BBX: variants seen among roughly 807,000 people sequenced by gnomAD.
The protein encoded by BBX is BBX high mobility group box domain containing.
A neutral mutation model predicts 100.2 loss-of-function variants in BBX; 30 were observed. The ratio of observed to expected loss-of-function variants is 0.30; its 90% confidence interval spans 0.22 to 0.41. BBX has a LOEUF of 0.41. Among genes scored for constraint, BBX ranks in the 10% least tolerant of loss-of-function variants. The pLI is 1.00. For synonymous variants in BBX, 376 were observed against 388.1 expected (o/e 0.97, Z 0.37); for missense variants, 1,023 against 1,129.8 (o/e 0.91, Z 1.35).
At chr3:107,556,731 G>A (rs991056987) in intron 2 of BBX, among the ~76,000 whole-genome samples, 2 of 152,154 alleles carry the variant, frequency 1.3e-5, no homozygotes, top group African/African-American at 4.8e-5. Context: ...AAACTTTCAG[G>A]AACCGAGCAT....
chr3:107,601,899 C>T (rs903214574), intron 2 of BBX, among the ~76,000 whole-genome samples: 1 of 152,214 alleles, frequency 6.6e-6, no homozygotes, highest in Non-Finnish European at 1.5e-5. Context: ...CTTCAAAGAG[C>T]TTCAAAGGAC....
intron 3 of BBX, among the ~76,000 whole-genome samples, chr3:107,666,613 T>C (rs575139003): frequency 6.6e-6 from 1 of 152,240 alleles, no homozygotes; most frequent in African/African-American, 2.4e-5. Flanking sequence ...ATTGGCAGAC[T>C]GGAGTGCAGT....
At chr3:107,583,685 T>C (rs1345609799) in intron 2 of BBX, among the ~76,000 whole-genome samples, 2 of 150,864 alleles carry the variant, frequency 1.3e-5, no homozygotes, top group Non-Finnish European at 3.0e-5. Flanking sequence ...CCTCTACCTA[T>C]TTTTGTACTC....
intron 4 of BBX, among the ~76,000 whole-genome samples, chr3:107,712,262 T>C (rs1375739416): frequency 6.6e-6 from 1 of 152,200 alleles, no homozygotes; most frequent in Non-Finnish European, 1.5e-5. Flanking sequence ...CAAATGATTG[T>C]GTTCTCTAGG....
At chr3:107,789,903 A>G in intron 14 of BBX, 27 bp downstream of exon 14, 1 of 1,504,686 alleles carries the variant, frequency 6.6e-7, no homozygotes, top group Non-Finnish European at 9.0e-7. Flanking sequence ...TCCTCCATGA[A>G]GGGTTCTTGG....
intron 10 of BBX, among the ~76,000 whole-genome samples, chr3:107,756,764 A>C (rs1283833355): frequency 6.6e-6 from 1 of 152,172 alleles, no homozygotes; most frequent in Non-Finnish European, 1.5e-5. Flanking sequence ...GTTGAGACCA[A>C]AATAGAGGGC....
intron 10 of BBX, among the ~76,000 whole-genome samples, chr3:107,768,236 C>T (rs536310465): frequency 8.9e-4 from 135 of 152,236 alleles, no homozygotes; most frequent in African/African-American, 2.9e-3. Flanking sequence ...GTACAAAAGC[C>T]GACCTCATTT....
chr3:107,793,418 G>A (rs1053920373), intron 15 of BBX, among the ~76,000 whole-genome samples: 3 of 152,014 alleles, frequency 2.0e-5, no homozygotes, highest in Non-Finnish European at 2.9e-5. Flanking sequence ...ATTTTATGTG[G>A]CCAGGAAAAA....
chr3:107,744,880 TAAG>T (rs1170631962), intron 8 of BBX, among the ~76,000 whole-genome samples, 170 bp downstream of exon 8: 1 of 152,180 alleles, frequency 6.6e-6, no homozygotes, highest in Non-Finnish European at 1.5e-5. Flanking sequence ...AGTTCTTAAT[TAAG>T]AAATAACTAC....
At chr3:107,708,524 A>C (rs2061518498) in intron 3 of BBX, among the ~76,000 whole-genome samples, 1 of 152,050 alleles carries the variant, frequency 6.6e-6, no homozygotes, top group South Asian at 2.1e-4. Flanking sequence ...AAATGCAAAA[A>C]TTAGCCGGTT....
Position 107,808,956 on chromosome 3 carries a change from AAAT to A in BBX, c.*3503_*3505del, listed in dbSNP as rs1309564881. 1 of 152,236 alleles carries A rather than the reference AAAT, an allele frequency of 6.6e-6. No individual in the cohort carries two copies. Among genetic ancestry groups the A allele is most frequent in the Non-Finnish European group, 1.5e-5 (1 of 68,038 alleles). The allele number at this position is 152,236 out of a possible 1,614,324, so 9.4% of individuals were successfully genotyped here. A position where few individuals can be genotyped will look rare whatever the true frequency, so the allele number is the denominator to read the frequency against. ...TGCCACTAAAATTGCTGGAGAAACA[AAAT>A]AATGATGGAACACTATGAACAAAAA... On this transcript the variant is annotated 3_prime_UTR_variant, in exon 18 of 18. Transcript: ENST00000325805.
At chr3:107,743,118 T>C (rs2064253171) in intron 7 of BBX, among the ~76,000 whole-genome samples, 1 of 152,190 alleles carries the variant, frequency 6.6e-6, no homozygotes. Context: ...TTCTGTCTTA[T>C]GCACACCTGT....
intron 15 of BBX, among the ~76,000 whole-genome samples, chr3:107,793,368 GA>G (rs963063023): frequency 6.6e-6 from 1 of 152,078 alleles, no homozygotes; most frequent in African/African-American, 2.4e-5. Context: ...AATATGCACT[GA>G]AAAATGCATG....
At chr3:107,744,159 G>T (rs189143828) in intron 7 of BBX, among the ~76,000 whole-genome samples, 5 of 152,126 alleles carry the variant, frequency 3.3e-5, no homozygotes, top group Admixed American at 3.3e-4. Context: ...AATACTTGTT[G>T]AGTATCTACA....
intron 3 of BBX, among the ~76,000 whole-genome samples, chr3:107,707,713 C>T (rs993739151): frequency 6.6e-6 from 1 of 152,064 alleles, no homozygotes; most frequent in African/African-American, 2.4e-5. Context: ...TGAGGGAGGA[C>T]TGAATGCGAT....
intron 3 of BBX, among the ~76,000 whole-genome samples, chr3:107,679,235 G>A (rs2059448183): frequency 1.3e-5 from 2 of 151,544 alleles, no homozygotes; most frequent in African/African-American, 2.4e-5. Flanking sequence ...TGTAAAGTTT[G>A]TAGTCTAGAT....
At position 107,808,658 on chromosome 3, in the gene BBX, A is replaced by G. The variant is rs1181955485; in HGVS notation, c.*3201A>G. 2.0e-5 allele frequency: 3 copies of G among 152,212 alleles called. No individual in the cohort carries two copies. Among genetic ancestry groups the G allele is most frequent in the African/African-American group, 7.2e-5 (3 of 41,464 alleles). 9.4% of individuals were successfully genotyped at this position (152,212 alleles called of 1,614,324 possible). On this transcript the variant is annotated 3_prime_UTR_variant, in exon 18 of 18. Transcript: ENST00000325805. ...GTTTTTATTTGTTTGGGTACTGTAT[A>G]TGAGATCAGGAAAAAGAAAAATGTC...
intron 3 of BBX, chr3:107,662,988 GT>G (rs575610716): frequency 1.6e-3 from 250 of 152,222 alleles, no homozygotes; most frequent in African/African-American, 5.8e-3. Context: ...ATACAAGAAT[GT>G]TTGTATATAC....
At chr3:107,556,054 C>T (rs1161557210) in intron 2 of BBX, among the ~76,000 whole-genome samples, 1 of 152,130 alleles carries the variant, frequency 6.6e-6, no homozygotes, top group Non-Finnish European at 1.5e-5. Flanking sequence ...TTGAGAAAGC[C>T]ATGTTCTTCC....
Sources: allele counts gnomAD v4.1 joint callset (sites outside exome capture counted in the v4.1 genomes callset), GRCh38; gene constraint gnomAD v4.1.1; transcripts MANE v1.5; gene names NCBI Gene and HGNC (gene_info 2026-07-23, HGNC 2026-07-21).